The following UTY variants were observed in gnomAD, a reference collection of about 807,000 sequenced individuals.
UTY encodes ubiquitously transcribed tetratricopeptide repeat containing, Y-linked, also known as histone demethylase UTY.
UTY carries 12 observed loss-of-function variants against 32.5 expected under a neutral mutation model. That is an observed-to-expected ratio of 0.37 (90% CI 0.24 to 0.60). The LOEUF is 0.60. Among genes scored for constraint, UTY ranks in the 20% least tolerant of loss-of-function variants. The pLI is 0.69. For missense variants in UTY, 303 were observed against 299.2 expected (o/e 1.01, Z -0.09); for synonymous variants, 131 against 103.4 (o/e 1.27, Z -1.62).
chrY:13,377,452 T>A (rs1014307002), intron 8 of UTY, among the ~76,000 whole-genome samples: 1 of 33,585 alleles, frequency 3.0e-5, no homozygotes, highest in Admixed American at 2.7e-4. Context: ...GTGGCTCACG[T>A]CTGTAATCCC....
At chrY:13,304,102 G>A in intron 24 of UTY, 1 of 115,424 alleles carries the variant, frequency 8.7e-6, no homozygotes. Context: ...ACCACTTACT[G>A]GCCACGGAAA....
At chrY:13,287,179 A>G in intron 27 of UTY, 1 of 382,695 alleles carries the variant, frequency 2.6e-6, no homozygotes, top group Non-Finnish European at 3.7e-6. Context: ...TTCCTAGAAA[A>G]AAAAGTGAAG....
chrY:13,376,872 C>T, intron 8 of UTY, among the ~76,000 whole-genome samples: 1 of 33,416 alleles, frequency 3.0e-5, no homozygotes, highest in Non-Finnish European at 7.4e-5. Flanking sequence ...GGAAAGCATC[C>T]TCTTCCCGTG....
At chrY:13,400,174 C>T (rs1028502293) in intron 6 of UTY, among the ~76,000 whole-genome samples, 1 of 33,422 alleles carries the variant, frequency 3.0e-5, no homozygotes, top group Non-Finnish European at 7.4e-5. Flanking sequence ...CTTACAGTTT[C>T]TTAGATAATA....
At chrY:13,445,975 A>G (rs1020791649) in intron 4 of UTY, among the ~76,000 whole-genome samples, 1 of 33,643 alleles carries the variant, frequency 3.0e-5, no homozygotes, top group Non-Finnish European at 7.4e-5. Context: ...AATATACACC[A>G]TGGTATATAC....
intron 25 of UTY, among the ~76,000 whole-genome samples, chrY:13,301,245 AGAAAG>A (rs2058364654): frequency 3.0e-5 from 1 of 33,098 alleles, no homozygotes; most frequent in Non-Finnish European, 7.4e-5. Flanking sequence ...AAATGAAAAA[AGAAAG>A]GAAAAGGAAA....
chrY:13,414,755 G>A lies in UTY; in HGVS notation c.414C>T (p.Phe138=). 2.6e-6 allele frequency: 1 copy of A among 388,543 alleles called. No homozygotes were observed. Among genetic ancestry groups the A allele is most frequent in the Non-Finnish European group, 3.6e-6 (1 of 278,140 alleles). ...AFLYGLGLVY[F]YYNAFHWAIK... ...CTTACCAATGAAATGCATTGTAGTA[G>A]AAGTAGACCAAACCAAGGCCATATA... Residue 138 remains phenylalanine, a synonymous_variant, in exon 5 of 30, where the codon TTC becomes TTT. Coordinates refer to ENST00000545955, the MANE Select transcript of UTY (RefSeq NM_001258249.2).
intron 27 of UTY, among the ~76,000 whole-genome samples, chrY:13,283,207 A>ATCAG (rs2057148458): frequency 2.9e-5 from 1 of 34,283 alleles, no homozygotes; most frequent in African/African-American, 1.1e-4. Flanking sequence ...CTGATCACCC[A>ATCAG]TGGAGTGCCT....
intron 24 of UTY, among the ~76,000 whole-genome samples, chrY:13,304,368 A>G: frequency 3.0e-5 from 1 of 33,444 alleles, no homozygotes. Flanking sequence ...TTACAGCAGC[A>G]TTTTCCAAAT....
chrY:13,378,108 G>T, intron 8 of UTY, among the ~76,000 whole-genome samples: 1 of 33,459 alleles, frequency 3.0e-5, no homozygotes, highest in Non-Finnish European at 7.4e-5. Context: ...AAAGTATCTG[G>T]TATAACAGAC....
chrY:13,352,445 A>G (rs776202999), intron 17 of UTY, among the ~76,000 whole-genome samples: 58 of 33,089 alleles, frequency 1.8e-3, no homozygotes, highest in Non-Finnish European at 2.8e-3. Context: ...AGTGTCTGGG[A>G]ATGCAGGCAC....
chrY:13,371,026 T>G, intron 8 of UTY, among the ~76,000 whole-genome samples: 1 of 32,370 alleles, frequency 3.1e-5, no homozygotes, highest in Non-Finnish European at 7.5e-5. Context: ...TCACTGCACT[T>G]CAGCCGAGCG....
At chrY:13,273,193 T>G (rs756827413) in intron 27 of UTY, among the ~76,000 whole-genome samples, 156 of 33,910 alleles carry the variant, frequency 4.6e-3, no homozygotes, top group Admixed American at 0.014. Context: ...TCATGGTGCT[T>G]TAAATAGCAA....
At chrY:13,390,686 G>C in intron 8 of UTY, among the ~76,000 whole-genome samples, 1 of 32,951 alleles carries the variant, frequency 3.0e-5, no homozygotes, top group Non-Finnish European at 7.5e-5. Flanking sequence ...ATTTTGTTAA[G>C]AACTTACACT....
chrY:13,256,316 A>G, intron 28 of UTY, among the ~76,000 whole-genome samples: 1 of 33,522 alleles, frequency 3.0e-5, no homozygotes, highest in East Asian at 7.8e-4. Context: ...AAGTCAATAA[A>G]GCTCAAATAA....
At chrY:13,236,600 A>G (rs2053854681) in intron 28 of UTY, among the ~76,000 whole-genome samples, 1 of 32,711 alleles carries the variant, frequency 3.1e-5, no homozygotes, top group African/African-American at 1.2e-4. Context: ...AAAAGACAAT[A>G]TAAACACAGA....
chrY:13,395,903 GTTTTTTTTT>G (rs1368341749), intron 7 of UTY, among the ~76,000 whole-genome samples: 2 of 11,960 alleles, frequency 1.7e-4, no homozygotes, highest in Non-Finnish European at 3.7e-4. Context: ...TCATCCTTCT[GTTTTTTTTT>G]TTTTTTTTTT....
chrY:13,440,957 T>C (rs958459267), intron 4 of UTY, among the ~76,000 whole-genome samples: 3 of 32,939 alleles, frequency 9.1e-5, no homozygotes, highest in South Asian at 6.6e-4. Context: ...TCTCCATAGA[T>C]TGGTATAACT....
At chrY:13,446,586 A>ATAGG (rs2075817147) in intron 4 of UTY, among the ~76,000 whole-genome samples, 1 of 23,221 alleles carries the variant, frequency 4.3e-5, no homozygotes, top group Admixed American at 4.4e-4. Flanking sequence ...AGATAGATAG[A>ATAGG]TAGATAGATA....
Sources: gnomAD v4.1 joint callset for allele counts (sites outside exome capture counted in the v4.1 genomes callset) on GRCh38, gnomAD v4.1.1 for gene constraint, MANE v1.5 for transcripts, NCBI Gene and HGNC (gene_info 2026-07-23, HGNC 2026-07-21) for gene names.